The following ZMYM4 variants were observed in gnomAD, a reference collection of about 807,000 sequenced individuals.
The protein encoded by ZMYM4 is zinc finger MYM-type containing 4.
In ZMYM4, 31 loss-of-function variants were observed where a neutral mutation model predicts 183.2. That is an observed-to-expected ratio of 0.17 (90% confidence interval 0.13 to 0.23). The LOEUF is 0.23. Ranked by LOEUF, ZMYM4 falls within the 10% of genes least tolerant of loss-of-function variation. The pLI is 1.00. For synonymous variants in ZMYM4, 592 were observed against 631.2 expected, an observed-to-expected ratio of 0.94 and a Z score of 0.93; for missense variants, 1,273 against 1,840.3, an observed-to-expected ratio of 0.69 and a Z score of 5.64.
At chr1:35,281,216 G>A (rs180742011) in intron 1 of ZMYM4, among the ~76,000 whole-genome samples, 1,930 of 151,784 alleles carry the variant, frequency 0.013, 47 homozygotes, top group African/African-American at 0.044. Context: ...CCCAGGAGGC[G>A]GAGGTTGCAG....
intron 1 of ZMYM4, among the ~76,000 whole-genome samples, chr1:35,286,748 C>G (rs1640509393): frequency 7.0e-6 from 1 of 143,348 alleles, no homozygotes; most frequent in African/African-American, 2.6e-5. Context: ...ACAGACAATA[C>G]CCTTGTGCCT....
chr1:35,374,157 G>A (rs866721960), intron 7 of ZMYM4, among the ~76,000 whole-genome samples: 3 of 148,652 alleles, frequency 2.0e-5, no homozygotes, highest in Admixed American at 6.8e-5. Flanking sequence ...TCAGCCTCCC[G>A]AGTAGCTGGG....
At chr1:35,384,774 A>G (rs1048167335) in intron 9 of ZMYM4, among the ~76,000 whole-genome samples, 1 of 151,712 alleles carries the variant, frequency 6.6e-6, no homozygotes, top group Non-Finnish European at 1.5e-5. Flanking sequence ...AACTGTGGTT[A>G]TGACCTATTA....
chr1:35,381,503 C>T (rs970185988), intron 8 of ZMYM4, 43 bp from the exon 9 acceptor site: 4 of 1,610,666 alleles, frequency 2.5e-6, no homozygotes, highest in East Asian at 4.5e-5. Flanking sequence ...GCTTTTGATG[C>T]TCTCTGCTCC....
chr1:35,307,054 C>T (rs1236028292), intron 1 of ZMYM4, among the ~76,000 whole-genome samples: 3 of 152,164 alleles, frequency 2.0e-5, no homozygotes, highest in South Asian at 2.1e-4. Flanking sequence ...AATAAATTAC[C>T]GTTGGCTAAC....
chr1:35,363,833 A>C lies in ZMYM4; in HGVS notation c.840+2044A>C, dbSNP rs373312254. On this transcript the variant is annotated intron_variant, in intron 5 of 29. Coordinates refer to ENST00000314607, the MANE Select transcript of ZMYM4 (RefSeq NM_005095.3). ...CATGTGGCAGTATATGCTTCAGAAG[A>C]CTACAGCCATGTCTATATGAAGGGC... 4.6e-4 allele frequency among the ~76,000 whole-genome samples: 70 copies of C among 152,312 alleles called. 1 individual carries two copies. The highest frequency in any genetic ancestry group is 1.6e-3 in the African/African-American group (68 of 41,560).
At chr1:35,315,220 C>T (rs1353334028) in intron 1 of ZMYM4, among the ~76,000 whole-genome samples, 1 of 151,828 alleles carries the variant, frequency 6.6e-6, no homozygotes, top group Non-Finnish European at 1.5e-5. Flanking sequence ...GTAAATTTAA[C>T]ACTCAAAAGA....
intron 17 of ZMYM4, 25 bp downstream of exon 17, chr1:35,392,709 A>G: frequency 6.4e-7 from 1 of 1,571,128 alleles, no homozygotes; most frequent in Non-Finnish European, 8.6e-7. Flanking sequence ...TTTTATTGGT[A>G]TTGTCACTGT....
chr1:35,415,620 C>T lies in ZMYM4; in HGVS notation c.4215C>T (p.Ala1405=), dbSNP rs150705344. Residue 1405 remains alanine (A), a synonymous_variant, in exon 28 of 30, where the codon GCC becomes GCT. Coordinates refer to ENST00000314607, the MANE Select transcript of ZMYM4 (RefSeq NM_005095.3). The part of the protein sequence containing the change: ...NVTEHLKLSF[A]HVMRRTRTLK... ...CTGAGCACTTGAAGCTTTCCTTTGC[C>T]CATGTGATGAGACGGACCAGGACTC... 6.8e-6 allele frequency: 11 copies of T among 1,613,986 alleles called. No homozygotes were observed. Among genetic ancestry groups the T allele is most frequent in the Middle Eastern group, 1.6e-4 (1 of 6,084 alleles).
At chr1:35,337,925 C>T (rs1387017947) in intron 2 of ZMYM4, among the ~76,000 whole-genome samples, 1 of 151,898 alleles carries the variant, frequency 6.6e-6, no homozygotes, top group Non-Finnish European at 1.5e-5. Context: ...GGTGACAGAG[C>T]GAGACTCCAT....
chr1:35,396,510 A>G (rs780258290), intron 18 of ZMYM4, 42 bp from the exon 19 acceptor site: 5 of 1,608,174 alleles, frequency 3.1e-6, no homozygotes, highest in Non-Finnish European at 4.2e-6. Flanking sequence ...AAGCATTTCT[A>G]ACCCTCTTTG....
At chr1:35,355,956 A>G (rs1643805417) in intron 2 of ZMYM4, among the ~76,000 whole-genome samples, 1 of 152,200 alleles carries the variant, frequency 6.6e-6, no homozygotes. Context: ...GGCTGGGTGC[A>G]GTGGCTCATG....
intron 9 of ZMYM4, 109 bp downstream of exon 9, chr1:35,381,867 A>C (rs1644465349): frequency 7.5e-7 from 1 of 1,334,766 alleles, no homozygotes; most frequent in South Asian, 1.4e-5. Context: ...TTTACTGGCC[A>C]AGTGCCATGG....
intron 26 of ZMYM4, among the ~76,000 whole-genome samples, chr1:35,410,481 TATTA>T (rs1447962314): frequency 2.0e-5 from 3 of 151,614 alleles, no homozygotes; most frequent in African/African-American, 7.3e-5. Flanking sequence ...TTTATCTGTT[TATTA>T]ATTAATTTAT....
chr1:35,359,609 C>A (rs1358185139), intron 3 of ZMYM4, among the ~76,000 whole-genome samples, 163 bp downstream of exon 3: 1 of 152,030 alleles, frequency 6.6e-6, no homozygotes, highest in Non-Finnish European at 1.5e-5. Flanking sequence ...GACTGAATTT[C>A]TCCCAGTAAC....
intron 25 of ZMYM4, among the ~76,000 whole-genome samples, chr1:35,407,012 C>A (rs1046756375): frequency 6.6e-6 from 1 of 152,194 alleles, no homozygotes; most frequent in Non-Finnish European, 1.5e-5. Flanking sequence ...CCTATACACC[C>A]AAGTCCCCTG....
chr1:35,315,600 A>T (rs1210737182), intron 1 of ZMYM4, among the ~76,000 whole-genome samples: 2 of 152,208 alleles, frequency 1.3e-5, no homozygotes, highest in Non-Finnish European at 2.9e-5. Flanking sequence ...ATGAATAAAA[A>T]TGCGAAAAGA....
In ZMYM4 at chr1:35,405,004, A is replaced by G. The variant is rs1393253620; in HGVS notation, c.3529-19A>G. Reference sequence around the variant, plus strand: ...CAAAACTAAATTTTATGTTCTGTAAATTTTTGGAATTCTTACAGGGACGGA... The same window carrying G: ...CAAAACTAAATTTTATGTTCTGTAAGTTTTTGGAATTCTTACAGGGACGGA... On this transcript the variant is annotated intron_variant, in intron 23 of 29. Transcript: ENST00000314607. 2.6e-6 allele frequency: 4 copies of G among 1,557,934 alleles called. No individual in the cohort carries two copies. Among genetic ancestry groups the G allele is most frequent in the Non-Finnish European group, 2.6e-6 (3 of 1,153,332 alleles).
intron 7 of ZMYM4, 54 bp downstream of exon 7, chr1:35,370,681 C>A: frequency 8.3e-7 from 1 of 1,204,052 alleles, no homozygotes; most frequent in Non-Finnish European, 1.1e-6. Flanking sequence ...TCTTAACATA[C>A]TTTGTTCTTA....
Sources: allele counts gnomAD v4.1 joint callset (sites outside exome capture counted in the v4.1 genomes callset), GRCh38; gene constraint gnomAD v4.1.1; transcripts MANE v1.5; gene names NCBI Gene and HGNC (gene_info 2026-07-23, HGNC 2026-07-21).